The following MATN2 variants were observed in gnomAD, a reference collection of about 807,000 sequenced individuals.
MATN2 encodes matrilin 2, also known as matrilin-2.
A neutral mutation model predicts 103.2 loss-of-function variants in MATN2; 69 were observed. The ratio of observed to expected loss-of-function variants is 0.67; its 90% CI spans 0.55 to 0.82. The LOEUF is 0.82. Ranked by LOEUF, MATN2 falls within the 40% of genes least tolerant of loss-of-function variation. The probability of loss-of-function intolerance (pLI) is 0.00; values close to 1 mark genes in which losing one functional copy is unlikely to be tolerated. For missense variants in MATN2, 1,023 were observed against 1,211.5 expected (o/e 0.84, Z 2.31); for synonymous variants, 429 against 450.2 (o/e 0.95, Z 0.60).
At chr8:97,959,822 T>G (rs1020507024) in intron 4 of MATN2, among the ~76,000 whole-genome samples, 1 of 152,246 alleles carries the variant, frequency 6.6e-6, no homozygotes, top group African/African-American at 2.4e-5. Context: ...ATATTTTATA[T>G]TTATGTAAAA....
chr8:97,897,530 T>C (rs1818853759), intron 2 of MATN2, among the ~76,000 whole-genome samples: 1 of 152,242 alleles, frequency 6.6e-6, no homozygotes, highest in African/African-American at 2.4e-5. Context: ...AGCTGGCATG[T>C]GTCTTTATCA....
intron 2 of MATN2, among the ~76,000 whole-genome samples, chr8:97,896,494 G>A (rs1818810728): frequency 6.6e-6 from 1 of 152,008 alleles, no homozygotes; most frequent in Non-Finnish European, 1.5e-5. Flanking sequence ...CAACAGGGAT[G>A]GGGCAGTGGG....
At chr8:97,983,240 A>G (rs527300124) in intron 6 of MATN2, among the ~76,000 whole-genome samples, 105 of 152,332 alleles carry the variant, frequency 6.9e-4, no homozygotes, top group Non-Finnish European at 1.1e-3. Flanking sequence ...ACTGCATAAT[A>G]TTCAATTATA....
intron 4 of MATN2, among the ~76,000 whole-genome samples, chr8:97,956,231 G>A (rs968004861): frequency 2.0e-5 from 3 of 151,974 alleles, no homozygotes; most frequent in Non-Finnish European, 2.9e-5. Context: ...AGGCTGGAGT[G>A]CAGTGGCGCG....
At chr8:98,018,355 C>T (rs1813447033) in intron 12 of MATN2, among the ~76,000 whole-genome samples, 1 of 152,130 alleles carries the variant, frequency 6.6e-6, no homozygotes, top group African/African-American at 2.4e-5. Flanking sequence ...TGCCAGCCAT[C>T]AGCCCTTTCC....
At chr8:97,906,315 C>T (rs567385494) in intron 2 of MATN2, among the ~76,000 whole-genome samples, 4 of 152,076 alleles carry the variant, frequency 2.6e-5, no homozygotes, top group Non-Finnish European at 5.9e-5. Flanking sequence ...CCATGGGGGT[C>T]CCTGATACAA....
rs62521908 is a variant in MATN2 at position 97,897,433 on chromosome 8, G to A, written c.142+9191G>A. 4.4e-3 allele frequency among the ~76,000 whole-genome samples: 663 copies of A among 152,316 alleles called. 5 individuals are homozygous for A. In the Middle Eastern group the frequency reaches 0.061, roughly 14 times the overall value. On this transcript the variant is annotated intron_variant, in intron 2 of 18. Transcript: ENST00000254898. ...TGCTAGCATTGTCCAGCCTTATAGG[G>A]AATTGGCAAAAGGTGAGTTTCAGGC...
intron 13 of MATN2, 66 bp downstream of exon 13, chr8:98,021,393 T>A (rs1813585972): frequency 1.3e-6 from 2 of 1,553,732 alleles, no homozygotes; most frequent in South Asian, 2.4e-5. Flanking sequence ...TTGGAGTATT[T>A]TCAGGCAACA....
intron 13 of MATN2, among the ~76,000 whole-genome samples, chr8:98,024,143 T>C (rs1813702402): frequency 6.6e-6 from 1 of 152,114 alleles, no homozygotes; most frequent in South Asian, 2.1e-4. Flanking sequence ...TGGCACACAT[T>C]TGCCTATGTA....
chr8:97,869,284 G>A lies in MATN2; in HGVS notation c.-30G>A. ...CCTCGCTTCCCAGGCGCCGGCGGCT[G>A]CAGGTGAGCGCGGCGCGCTTTCCCC... On this transcript the variant is annotated 5_prime_UTR_variant, in exon 1 of 19. Transcript: ENST00000254898. The A allele has an allele frequency of 6.6e-6, 1 of 152,368 alleles. No individual in the cohort carries two copies. The highest frequency in any genetic ancestry group is 1.5e-5 in the Non-Finnish European group (1 of 68,064). The allele number at this position is 152,368 out of a possible 1,614,324, so 9.4% of individuals were successfully genotyped here. A position where few individuals can be genotyped will look rare whatever the true frequency, so the allele number is the denominator to read the frequency against.
Position 98,018,039 on chromosome 8 carries a change from G to C in MATN2, c.1742G>C (p.Cys581Ser). 6.2e-7 allele frequency: 1 copy of C among 1,613,910 alleles called. No homozygotes were observed. The highest frequency in any genetic ancestry group is 8.5e-7 in the Non-Finnish European group (1 of 1,179,800). ...ATAGACCATGGCTGTGAACACATTT[G>C]TGTGAACAGTGATGACTCATACACG... is the stretch of plus-strand genomic sequence containing the variant. ...QAIDHGCEHI[C>S]VNSDDSYTCE... The change falls in exon 12 of 19, where the codon TGT becomes TCT. Residue 581 changes from cysteine (C) to serine (S), a missense_variant. Physicochemically the swap from Cys to Ser is moderately radical, Grantham distance 112 (BLOSUM62 -1). Transcript: ENST00000254898.
chr8:97,921,843 T>A (rs1354646026), intron 2 of MATN2, among the ~76,000 whole-genome samples: 1 of 152,134 alleles, frequency 6.6e-6, no homozygotes, highest in East Asian at 1.9e-4. Context: ...ATAAATAAAA[T>A]GCGTACAGCC....
chr8:97,883,492 A>G (rs1054393389), intron 1 of MATN2, among the ~76,000 whole-genome samples: 6 of 151,518 alleles, frequency 4.0e-5, no homozygotes, highest in Admixed American at 2.0e-4. Context: ...GGCTCAAGCA[A>G]TCCTCCAGTC....
intron 2 of MATN2, among the ~76,000 whole-genome samples, chr8:97,890,522 C>T (rs1290789175): frequency 1.3e-5 from 2 of 150,056 alleles, no homozygotes; most frequent in African/African-American, 4.9e-5. Context: ...AAAGCAAACA[C>T]TATAGCTGTG....
chr8:97,907,940 C>T (rs1273297360), intron 2 of MATN2, among the ~76,000 whole-genome samples: 1 of 152,100 alleles, frequency 6.6e-6, no homozygotes, highest in East Asian at 1.9e-4. Flanking sequence ...GAGTTTGAGA[C>T]CAGCCTGACC....
At chr8:97,939,414 A>T (rs1810480685) in intron 3 of MATN2, among the ~76,000 whole-genome samples, 1 of 152,218 alleles carries the variant, frequency 6.6e-6, no homozygotes, top group Non-Finnish European at 1.5e-5. Flanking sequence ...TGCTAAGTAG[A>T]CTGTGAAAAG....
At chr8:97,979,113 C>A in intron 6 of MATN2, 105 bp downstream of exon 6, 1 of 1,334,532 alleles carries the variant, frequency 7.5e-7, no homozygotes, top group Non-Finnish European at 1.0e-6. Context: ...ATAATTATGT[C>A]ATGGGGGTCT....
intron 10 of MATN2, among the ~76,000 whole-genome samples, chr8:98,016,327 C>T (rs1192960080): frequency 6.6e-6 from 1 of 152,118 alleles, no homozygotes; most frequent in African/African-American, 2.4e-5. Flanking sequence ...GAGTTGAGAT[C>T]ACGCCACCAC....
chr8:97,954,617 CT>C (rs1811083350), intron 4 of MATN2, among the ~76,000 whole-genome samples: 1 of 152,206 alleles, frequency 6.6e-6, no homozygotes, highest in East Asian at 1.9e-4. Context: ...TGACTGGCCC[CT>C]CACTGGACCA....
Sources: allele counts gnomAD v4.1 joint callset (sites outside exome capture counted in the v4.1 genomes callset), GRCh38; gene constraint gnomAD v4.1.1; transcripts MANE v1.5; gene names NCBI Gene and HGNC (gene_info 2026-07-23, HGNC 2026-07-21).